The following PKHD1 variants were observed in gnomAD, a reference collection of about 807,000 sequenced individuals.
PKHD1 encodes the protein PKHD1 ciliary IPT domain containing fibrocystin/polyductin.
PKHD1 carries 291 observed loss-of-function variants against 412.0 expected under a neutral mutation model. That is an observed-to-expected ratio of 0.71 (90% CI 0.64 to 0.78). The LOEUF (loss-of-function observed/expected upper bound fraction) is 0.78. PKHD1 is among the 30% of genes least tolerant of loss of function. The probability of loss-of-function intolerance (pLI) is 0.00; values close to 1 mark genes in which losing one functional copy is unlikely to be tolerated. For missense variants in PKHD1, 4,825 were observed against 4,950.7 expected (o/e 0.97, Z 0.76); for synonymous variants, 1,777 against 1,821.5 (o/e 0.98, Z 0.62).
chr6:51,841,042 CAA>C (rs1408603044), intron 50 of PKHD1, among the ~76,000 whole-genome samples: 1 of 152,010 alleles, frequency 6.6e-6, no homozygotes, highest in Non-Finnish European at 1.5e-5. Context: ...AATAATCAGA[CAA>C]GAGGTATAAG....
At chr6:51,720,543 C>G (rs1009454536) in intron 60 of PKHD1, among the ~76,000 whole-genome samples, 1 of 152,124 alleles carries the variant, frequency 6.6e-6, no homozygotes, top group Admixed American at 6.6e-5. Flanking sequence ...CTGGCCAACT[C>G]TTACTCAATT....
intron 27 of PKHD1, among the ~76,000 whole-genome samples, chr6:52,036,392 A>G (rs1200821270): frequency 6.6e-6 from 1 of 152,250 alleles, no homozygotes; most frequent in Non-Finnish European, 1.5e-5. Flanking sequence ...TGTTAGCAAG[A>G]AGAGAGTTGG....
At chr6:51,859,180 T>G (rs758452847) in intron 48 of PKHD1, among the ~76,000 whole-genome samples, 4 of 152,102 alleles carry the variant, frequency 2.6e-5, no homozygotes, top group African/African-American at 4.8e-5. Flanking sequence ...CTGTTCACAT[T>G]TAATTCCTCC....
chr6:51,991,263 A>T (rs190117204), intron 35 of PKHD1, among the ~76,000 whole-genome samples: 3 of 152,362 alleles, frequency 2.0e-5, no homozygotes, highest in Non-Finnish European at 4.4e-5. Flanking sequence ...AGATAGAAAC[A>T]AAAGAAAGAG....
At chr6:51,824,839 T>A (rs1180581994) in intron 52 of PKHD1, among the ~76,000 whole-genome samples, 1 of 152,150 alleles carries the variant, frequency 6.6e-6, no homozygotes, top group Non-Finnish European at 1.5e-5. Context: ...AAGTTGCAGT[T>A]CAACAACTAC....
In PKHD1 at chr6:51,871,619, T is replaced by A. The variant is rs189092035; in HGVS notation, c.7351-980A>T. On this transcript the variant is annotated intron_variant, in intron 46 of 66. Transcript: ENST00000371117. The stretch of plus-strand genomic sequence containing the variant: ...GGTGGTTGTTACACAAATGTGTACA[T>A]GTGTTAAAGCTCATAGAACTGTACA... Among the ~76,000 whole-genome samples, 4 of 119,234 alleles carry A rather than the reference T, an allele frequency of 3.4e-5. 2 individuals carry two copies. Among genetic ancestry groups the A allele is most frequent in the Admixed American group, 3.1e-4 (4 of 12,726 alleles). The allele number at this position is 119,234 out of a possible 152,430, so 78.2% of individuals were successfully genotyped here.
intron 60 of PKHD1, among the ~76,000 whole-genome samples, chr6:51,697,405 C>T (rs974819146): frequency 6.6e-6 from 1 of 152,212 alleles, no homozygotes; most frequent in African/African-American, 2.4e-5. Context: ...ACATATTCTG[C>T]ACCTACCATG....
At chr6:51,989,998 A>G (rs1338765832) in intron 35 of PKHD1, among the ~76,000 whole-genome samples, 1 of 145,688 alleles carries the variant, frequency 6.9e-6, no homozygotes, top group Admixed American at 7.0e-5. Context: ...AGATACAGCA[A>G]TTTCACTATT....
At chr6:51,661,783 A>G (rs1772912918) in intron 60 of PKHD1, among the ~76,000 whole-genome samples, 1 of 152,038 alleles carries the variant, frequency 6.6e-6, no homozygotes. Context: ...ATCATTCTGT[A>G]TTGTTTTCTA....
At chr6:52,047,901 T>G (rs2128191338) in intron 23 of PKHD1, among the ~76,000 whole-genome samples, 1 of 152,338 alleles carries the variant, frequency 6.6e-6, no homozygotes, top group South Asian at 2.1e-4. Context: ...GCAAAAGATG[T>G]GGCTAAGGGT....
intron 60 of PKHD1, chr6:51,721,909 T>TG: frequency 1.2e-6 from 2 of 1,609,668 alleles, no homozygotes; most frequent in South Asian, 2.2e-5. Context: ...ATTTGGTCCA[T>TG]GCTCCAACCC....
intron 63 of PKHD1, among the ~76,000 whole-genome samples, chr6:51,641,695 C>T (rs532750837): frequency 5.9e-5 from 9 of 152,232 alleles, no homozygotes; most frequent in Middle Eastern, 3.4e-3. Context: ...ATATACACTA[C>T]GGAATACTAT....
intron 35 of PKHD1, among the ~76,000 whole-genome samples, chr6:51,973,118 C>T (rs1028105000): frequency 6.6e-6 from 1 of 152,114 alleles, no homozygotes; most frequent in Non-Finnish European, 1.5e-5. Flanking sequence ...ATCCAAAAAT[C>T]AACTATCATG....
Position 51,847,389 on chromosome 6 carries a change from A to G in PKHD1, c.8107+386T>C, listed in dbSNP as rs533194313. 3.9e-5 allele frequency among the ~76,000 whole-genome samples: 6 copies of G among 151,902 alleles called. No homozygotes were observed. The South Asian group carries it at 1.2e-3, about 32-fold the overall frequency. ...AGTTGTTCCACTACAAACAAATATG[A>G]CACTGCCCTAAGATGAATTAAAGAT... On this transcript the variant is annotated intron_variant, in intron 50 of 66. Transcript: ENST00000371117.
intron 53 of PKHD1, among the ~76,000 whole-genome samples, chr6:51,787,623 C>A (rs1431507614): frequency 2.0e-5 from 3 of 152,088 alleles, no homozygotes; most frequent in African/African-American, 7.2e-5. Flanking sequence ...AATAACCTAC[C>A]TTTAGGCCTG....
intron 55 of PKHD1, among the ~76,000 whole-genome samples, chr6:51,767,299 T>C (rs1789225808): frequency 6.6e-6 from 1 of 152,104 alleles, no homozygotes; most frequent in African/African-American, 2.4e-5. Context: ...TTTATCATAT[T>C]TTGGTGTCCC....
intron 60 of PKHD1, among the ~76,000 whole-genome samples, chr6:51,681,649 C>A (rs1170770934): frequency 6.6e-6 from 1 of 151,974 alleles, no homozygotes; most frequent in Non-Finnish European, 1.5e-5. Context: ...GGATCATTAA[C>A]TAGTCATTAA....
At chr6:51,996,160 G>A (rs868524058) in intron 35 of PKHD1, among the ~76,000 whole-genome samples, 5 of 143,910 alleles carry the variant, frequency 3.5e-5, no homozygotes, top group Non-Finnish European at 7.5e-5. Context: ...CGCCTGCCAC[G>A]ACGCCTGGCT....
rs1793731573 is a variant in PKHD1 at position 51,791,431 on chromosome 6, T to C, written c.8303-58A>G. ...CACAAAAACAAGAATTACGTGTTTA[T>C]TCTGGGGTTCTCCCAGCAGTTTGGG... On this transcript the variant is annotated intron_variant, in intron 52 of 66. Transcript: ENST00000371117. The C allele has an allele frequency of 4.5e-6, 7 of 1,550,578 alleles. No individual in the cohort carries two copies. The South Asian group carries it at 7.8e-5, about 17-fold the overall frequency.
Sources: allele counts gnomAD v4.1 joint callset (sites outside exome capture counted in the v4.1 genomes callset), GRCh38; gene constraint gnomAD v4.1.1; transcripts MANE v1.5; gene names NCBI Gene and HGNC (gene_info 2026-07-23, HGNC 2026-07-21).